The following AFG2A variants were observed in gnomAD, a reference collection of about 807,000 sequenced individuals.
AFG2A encodes the protein AAA ATPase AFG2A, also known as ATPase family gene 2 protein homolog A.
the AFG2A span, chr4:122,934,001 G>C: frequency 1.5e-6 from 2 of 1,336,846 alleles, no homozygotes; most frequent in Non-Finnish European, 1.0e-6. Flanking sequence ...CTTTGATTTA[G>C]TCTTTTCAGA....
chr4:123,138,345 A>T, the AFG2A span, among the ~76,000 whole-genome samples: 1 of 151,986 alleles, frequency 6.6e-6, no homozygotes, highest in Non-Finnish European at 1.5e-5. Flanking sequence ...ATTTTACTTA[A>T]GATAATAGTT....
chr4:123,225,752 T>G, the AFG2A span, among the ~76,000 whole-genome samples: 3 of 152,218 alleles, frequency 2.0e-5, no homozygotes, highest in Non-Finnish European at 4.4e-5. Flanking sequence ...GTGAAGAAAG[T>G]CATTGGTAGT....
the AFG2A span, among the ~76,000 whole-genome samples, chr4:123,065,005 A>G: frequency 4.6e-5 from 7 of 152,212 alleles, no homozygotes; most frequent in Non-Finnish European, 7.3e-5. Context: ...ACTCAAGGGC[A>G]TGCATCACTA....
the AFG2A span, among the ~76,000 whole-genome samples, chr4:123,197,530 G>A: frequency 1.3e-5 from 2 of 152,116 alleles, no homozygotes; most frequent in African/African-American, 4.8e-5. Context: ...AGCACTTTGG[G>A]AGGCCGAGAT....
At chr4:123,057,578 A>G in the AFG2A span, among the ~76,000 whole-genome samples, 1 of 152,172 alleles carries the variant, frequency 6.6e-6, no homozygotes, top group Non-Finnish European at 1.5e-5. Flanking sequence ...TGTCTATCAA[A>G]ATTAGGGTTA....
the AFG2A span, among the ~76,000 whole-genome samples, chr4:122,952,443 G>A: frequency 6.6e-6 from 1 of 152,186 alleles, no homozygotes; most frequent in East Asian, 1.9e-4. Context: ...TGGGCCAAAT[G>A]AGGAATAAAA....
chr4:123,245,701 TC>T, the AFG2A span, among the ~76,000 whole-genome samples: 1 of 152,234 alleles, frequency 6.6e-6, no homozygotes, highest in Non-Finnish European at 1.5e-5. Context: ...TCAAGTCTTT[TC>T]TTGCACAGTG....
chr4:123,234,623 C>T, the AFG2A span, among the ~76,000 whole-genome samples: 2 of 152,066 alleles, frequency 1.3e-5, no homozygotes, highest in Admixed American at 1.3e-4. Context: ...TCCTGTGATT[C>T]TCTAATTATC....
chr4:123,217,239 G>A, the AFG2A span, among the ~76,000 whole-genome samples: 1 of 152,058 alleles, frequency 6.6e-6, no homozygotes, highest in African/African-American at 2.4e-5. Context: ...ATTAACAGCT[G>A]GAGTAAATGC....
chr4:123,041,204 G>A, the AFG2A span, among the ~76,000 whole-genome samples: 7 of 151,200 alleles, frequency 4.6e-5, no homozygotes, highest in East Asian at 1.2e-3. Flanking sequence ...TCCACCTCCC[G>A]GGTTCACGCC....
At chr4:123,009,814 T>C in the AFG2A span, among the ~76,000 whole-genome samples, 1 of 152,214 alleles carries the variant, frequency 6.6e-6, no homozygotes, top group Admixed American at 6.5e-5. Context: ...GTATAATATA[T>C]ATTTTGAACC....
the AFG2A span, among the ~76,000 whole-genome samples, chr4:123,066,907 A>G: frequency 0.078 from 11,817 of 152,196 alleles, 644 homozygotes; most frequent in African/African-American, 0.15. Context: ...TGAGAGTTCT[A>G]TGAGTTTTTT....
the AFG2A span, among the ~76,000 whole-genome samples, chr4:123,299,085 A>G: frequency 1.3e-5 from 2 of 151,102 alleles, no homozygotes; most frequent in Non-Finnish European, 2.9e-5. Context: ...TTAAACTTAC[A>G]CCACATCTTG....
the AFG2A span, among the ~76,000 whole-genome samples, chr4:123,021,842 T>C: frequency 6.6e-6 from 1 of 152,014 alleles, no homozygotes; most frequent in African/African-American, 2.4e-5. Context: ...AACAGAGATA[T>C]AGATCAATGG....
At chr4:123,194,798 A>G in the AFG2A span, among the ~76,000 whole-genome samples, 2 of 152,206 alleles carry the variant, frequency 1.3e-5, no homozygotes, top group African/African-American at 4.8e-5. Flanking sequence ...AACAGTTTCT[A>G]GGTACTTGGG....
At chr4:122,934,086 C>T in the AFG2A span, 1 of 1,570,690 alleles carries the variant, frequency 6.4e-7, no homozygotes, top group East Asian at 2.3e-5. Flanking sequence ...ATTTAATATA[C>T]TGTTTTCTAG....
At chr4:123,259,100 C>T in the AFG2A span, among the ~76,000 whole-genome samples, 1 of 152,132 alleles carries the variant, frequency 6.6e-6, no homozygotes, top group Non-Finnish European at 1.5e-5. Flanking sequence ...CTCCTGACCT[C>T]AGGTGATCCG....
chr4:123,038,655 A>G, the AFG2A span, among the ~76,000 whole-genome samples: 3 of 152,108 alleles, frequency 2.0e-5, no homozygotes, highest in Non-Finnish European at 4.4e-5. Flanking sequence ...GGTAAGATTC[A>G]TCAGTACATA....
chr4:122,930,156 C>T, the AFG2A span, among the ~76,000 whole-genome samples: 6 of 152,222 alleles, frequency 3.9e-5, no homozygotes, highest in South Asian at 4.1e-4. Flanking sequence ...GTAAAACAAA[C>T]CGTCATTACT....
Sources: allele counts gnomAD v4.1 joint callset (sites outside exome capture counted in the v4.1 genomes callset), GRCh38; gene constraint gnomAD v4.1.1; transcripts MANE v1.5; gene names NCBI Gene and HGNC (gene_info 2026-07-23, HGNC 2026-07-21).